The following PAPPA2 variants were observed in gnomAD, a reference collection of about 807,000 sequenced individuals.
PAPPA2 encodes pappalysin 2, also known as pappalysin-2.
In PAPPA2, 86 loss-of-function variants were observed where a neutral mutation model predicts 176.4. The ratio of observed to expected loss-of-function variants is 0.49; its 90% CI spans 0.41 to 0.58. The LOEUF (loss-of-function observed/expected upper bound fraction) is 0.58. PAPPA2 is among the 20% of genes least tolerant of loss of function. PAPPA2 has a pLI of 0.00. For missense variants in PAPPA2, 2,073 were observed against 2,256.9 expected, an observed-to-expected ratio of 0.92 and a Z score of 1.65; for synonymous variants, 809 against 852.2, an observed-to-expected ratio of 0.95 and a Z score of 0.88.
At chr1:176,544,824 T>G (rs1650544032) in intron 1 of PAPPA2, among the ~76,000 whole-genome samples, 1 of 152,176 alleles carries the variant, frequency 6.6e-6, no homozygotes, top group Admixed American at 6.5e-5. Flanking sequence ...ATCATTTGCT[T>G]AGAAAAGATC....
intron 1 of PAPPA2, among the ~76,000 whole-genome samples, chr1:176,483,109 C>G (rs1303467366): frequency 6.6e-6 from 1 of 152,166 alleles, no homozygotes; most frequent in Non-Finnish European, 1.5e-5. Context: ...ATTGGACATA[C>G]TGGATCACTT....
At chr1:176,643,773 C>T (rs958005057) in intron 3 of PAPPA2, among the ~76,000 whole-genome samples, 4 of 151,816 alleles carry the variant, frequency 2.6e-5, no homozygotes, top group Admixed American at 1.3e-4. Context: ...AGCCAACAAA[C>T]GATCCTCAGA....
At chr1:176,773,900 G>GTCTCAT (rs1308054720) in intron 17 of PAPPA2, among the ~76,000 whole-genome samples, 1 of 151,992 alleles carries the variant, frequency 6.6e-6, no homozygotes, top group East Asian at 1.9e-4. Flanking sequence ...TTCCAGCTTT[G>GTCTCAT]TCTCATTCTA....
intron 1 of PAPPA2, among the ~76,000 whole-genome samples, chr1:176,535,176 G>T (rs148915290): frequency 0.046 from 7,028 of 152,268 alleles, 179 homozygotes; most frequent in Non-Finnish European, 0.059. Context: ...GTCCTCAGAA[G>T]AAAGGGGCAT....
intron 21 of PAPPA2, among the ~76,000 whole-genome samples, chr1:176,826,805 A>G (rs976019137): frequency 6.6e-6 from 1 of 152,190 alleles, no homozygotes. Context: ...AGAATAGAAA[A>G]TGTGCGGGGC....
intron 1 of PAPPA2, among the ~76,000 whole-genome samples, chr1:176,505,611 G>T (rs775968586): frequency 9.9e-5 from 15 of 151,960 alleles, no homozygotes; most frequent in Non-Finnish European, 2.1e-4. Context: ...GAAAAAATTA[G>T]ATTGGAGGTT....
At chr1:176,739,891 C>A (rs1034121319) in intron 13 of PAPPA2, 89 bp from the exon 14 acceptor site, 9 of 1,564,792 alleles carry the variant, frequency 5.8e-6, no homozygotes, top group South Asian at 1.1e-5. Flanking sequence ...TGGCATCATA[C>A]ACCTATTAAG....
At chr1:176,491,029 T>C (rs960722745) in intron 1 of PAPPA2, among the ~76,000 whole-genome samples, 5 of 152,240 alleles carry the variant, frequency 3.3e-5, no homozygotes, top group Non-Finnish European at 7.3e-5. Context: ...CACCAAGGGC[T>C]GGTTCTCTAA....
chr1:176,761,569 G>A (rs549200820), intron 14 of PAPPA2, among the ~76,000 whole-genome samples: 22 of 152,204 alleles, frequency 1.4e-4, no homozygotes, highest in Non-Finnish European at 2.8e-4. Context: ...TATTAGATAT[G>A]CTATGTTTTT....
At chr1:176,673,900 C>T (rs1375128823) in intron 4 of PAPPA2, among the ~76,000 whole-genome samples, 1 of 152,016 alleles carries the variant, frequency 6.6e-6, no homozygotes, top group Non-Finnish European at 1.5e-5. Context: ...CTAGAGCTTG[C>T]TTTGGTCTCA....
intron 2 of PAPPA2, among the ~76,000 whole-genome samples, chr1:176,574,882 T>C (rs1652558443): frequency 6.6e-6 from 1 of 152,226 alleles, no homozygotes; most frequent in Non-Finnish European, 1.5e-5. Context: ...TTGCCTACAG[T>C]ATCCAGTACA....
intron 21 of PAPPA2, among the ~76,000 whole-genome samples, chr1:176,805,991 CAAAAAAAAAA>C (rs11439850): frequency 2.6e-5 from 2 of 76,636 alleles, no homozygotes; most frequent in South Asian, 1.2e-3. Flanking sequence ...CTGTCTCTCT[CAAAAAAAAAA>C]AAAAAAAAAA....
intron 14 of PAPPA2, among the ~76,000 whole-genome samples, chr1:176,741,159 G>T (rs1239286465): frequency 2.0e-5 from 3 of 152,162 alleles, no homozygotes; most frequent in Non-Finnish European, 4.4e-5. Context: ...GTTTCTGAGG[G>T]TGAGGAATCT....
intron 14 of PAPPA2, among the ~76,000 whole-genome samples, chr1:176,741,647 G>A (rs183957508): frequency 6.6e-6 from 1 of 152,270 alleles, no homozygotes; most frequent in East Asian, 1.9e-4. Flanking sequence ...GCCAGTAATA[G>A]TAGTTTATGT....
chr1:176,550,050 T>C (rs1274532432), intron 1 of PAPPA2, among the ~76,000 whole-genome samples: 1 of 152,246 alleles, frequency 6.6e-6, no homozygotes, highest in Non-Finnish European at 1.5e-5. Flanking sequence ...CATTCTCTGT[T>C]CTCAAGGCTT....
chr1:176,565,943 C>T (rs1303106637), intron 2 of PAPPA2, among the ~76,000 whole-genome samples: 2 of 152,118 alleles, frequency 1.3e-5, no homozygotes, highest in African/African-American at 4.8e-5. Context: ...TTCCCTGAAC[C>T]TTCACCTTTG....
chr1:176,752,342 T>TAAA (rs58591760), intron 14 of PAPPA2, among the ~76,000 whole-genome samples: 1,688 of 91,750 alleles, frequency 0.018, 6 homozygotes, highest in African/African-American at 0.025. Flanking sequence ...TAGAGTATAA[T>TAAA]AAAAAAAAAA....
chr1:176,679,922 A>G (rs1659499137), intron 4 of PAPPA2, among the ~76,000 whole-genome samples: 1 of 152,166 alleles, frequency 6.6e-6, no homozygotes, highest in Non-Finnish European at 1.5e-5. Context: ...AAACCTAGCA[A>G]ATGCCTGATG....
intron 14 of PAPPA2, among the ~76,000 whole-genome samples, chr1:176,756,047 C>T (rs993714720): frequency 1.3e-5 from 2 of 152,132 alleles, no homozygotes; most frequent in Non-Finnish European, 2.9e-5. Context: ...CAATGTCCAT[C>T]TCCCGGGTTC....
Sources: allele counts gnomAD v4.1 joint callset (sites outside exome capture counted in the v4.1 genomes callset), GRCh38; gene constraint gnomAD v4.1.1; transcripts MANE v1.5; gene names NCBI Gene and HGNC (gene_info 2026-07-23, HGNC 2026-07-21).